CNNM2: variants seen among roughly 807,000 people sequenced by gnomAD.
CNNM2 encodes the protein cyclin and CBS domain divalent metal cation transport mediator 2, also known as metal transporter CNNM2.
CNNM2 carries 12 observed loss-of-function variants against 66.9 expected under a neutral mutation model. The observed-to-expected ratio is 0.18, with a 90% CI of 0.11 to 0.29. The LOEUF is 0.29. CNNM2 is among the 10% of genes least tolerant of loss of function. The pLI is 1.00. For synonymous variants in CNNM2, 557 were observed against 501.8 expected, an observed-to-expected ratio of 1.11 and a Z score of -1.47; for missense variants, 705 against 1,167.7, an observed-to-expected ratio of 0.60 and a Z score of 5.77.
At chr10:103,074,427 G>A (rs2065654278) in intron 6 of CNNM2, among the ~76,000 whole-genome samples, 1 of 152,200 alleles carries the variant, frequency 6.6e-6, no homozygotes, top group Non-Finnish European at 1.5e-5. Flanking sequence ...AATTTGCCTT[G>A]TTCTCGTAGA....
At chr10:102,984,889 C>T (rs1037671467) in intron 1 of CNNM2, among the ~76,000 whole-genome samples, 7 of 152,090 alleles carry the variant, frequency 4.6e-5, no homozygotes, top group African/African-American at 1.7e-4. Context: ...TCAAATGATC[C>T]ACCCACCTCA....
At chr10:103,044,370 A>G (rs1004353583) in intron 1 of CNNM2, among the ~76,000 whole-genome samples, 1 of 152,116 alleles carries the variant, frequency 6.6e-6, no homozygotes, top group Non-Finnish European at 1.5e-5. Flanking sequence ...AGCCTGAGCA[A>G]TATAGCGAGA....
At position 102,996,425 on chromosome 10, in the gene CNNM2, C is replaced by T. The variant is rs7894959; in HGVS notation, c.1622-53282C>T. On this transcript the variant is annotated intron_variant, in intron 1 of 7. Coordinates refer to ENST00000369878, the MANE Select transcript of CNNM2 (RefSeq NM_017649.5). ...TAACTGCAATTAAGACTTCTTTGGG[C>T]CAGGTGCAACAGCTCACGCCTGTAA... Among the ~76,000 whole-genome samples, 46,937 of 152,032 alleles carry T rather than the reference C, an allele frequency of 0.31. 7,407 individuals are homozygous for T. The highest frequency in any genetic ancestry group is 0.37 in the Middle Eastern group (109 of 294).
At chr10:102,930,565 A>G (rs1285632589) in intron 1 of CNNM2, among the ~76,000 whole-genome samples, 2 of 152,240 alleles carry the variant, frequency 1.3e-5, no homozygotes, top group South Asian at 2.1e-4. Context: ...TATAATTCAC[A>G]TATCTTAAAA....
chr10:103,049,944 T>A, intron 2 of CNNM2, 94 bp downstream of exon 2: 1 of 1,235,622 alleles, frequency 8.1e-7, no homozygotes, highest in Non-Finnish European at 1.1e-6. Flanking sequence ...TTGCTGCCTC[T>A]GTTTATAATG....
chr10:103,050,692 G>A (rs2134331201), intron 2 of CNNM2, among the ~76,000 whole-genome samples: 1 of 152,246 alleles, frequency 6.6e-6, no homozygotes, highest in Admixed American at 6.5e-5. Flanking sequence ...GCAGGATAGG[G>A]TAGGGTACAC....
chr10:103,086,469 C>A lies in CNNM2; in HGVS notation c.*9289C>A, dbSNP rs1195124560. The A allele has an allele frequency of 6.9e-6, 1 of 144,196 alleles. No homozygotes were observed. The highest frequency in any genetic ancestry group is 2.6e-5 in the African/African-American group (1 of 39,186). The allele number at this position is 144,196 out of a possible 1,614,324, so 8.9% of individuals were successfully genotyped here. On this transcript the variant is annotated 3_prime_UTR_variant, in exon 8 of 8. Transcript: ENST00000369878. ...TACAGACTTAAATATGTAGTTGTCT[C>A]AGGCTATTCGTGGTGAATAAGCAGA...
At chr10:102,960,094 GAATAGTAAT>G (rs1590312812) in intron 1 of CNNM2, among the ~76,000 whole-genome samples, 1 of 151,064 alleles carries the variant, frequency 6.6e-6, no homozygotes, top group Admixed American at 6.6e-5. Flanking sequence ...AATAAAATGA[GAATAGTAAT>G]AATCTCTCCT....
chr10:103,007,596 C>T (rs895135110), intron 1 of CNNM2, among the ~76,000 whole-genome samples: 14 of 152,134 alleles, frequency 9.2e-5, no homozygotes, highest in African/African-American at 3.4e-4. Context: ...CGATATCTTC[C>T]CTACTTGCAC....
chr10:102,981,106 T>G (rs985293216), intron 1 of CNNM2, among the ~76,000 whole-genome samples: 2 of 152,114 alleles, frequency 1.3e-5, no homozygotes, highest in Non-Finnish European at 2.9e-5. Flanking sequence ...CCCAGCACTT[T>G]GGGAGGCTGA....
chr10:103,089,931 C>G lies in CNNM2; in HGVS notation c.*12751C>G, dbSNP rs1255839676. The stretch of plus-strand genomic sequence containing the variant: ...CATCTAGACAGAAAAAAGCTAGAGG[C>G]TCAGAAAGCAGGCAGAGCAAAGTAG... On this transcript the variant is annotated 3_prime_UTR_variant, in exon 8 of 8. Coordinates refer to ENST00000369878, the MANE Select transcript of CNNM2 (RefSeq NM_017649.5). 3 of 1,560,478 alleles carry G rather than the reference C, an allele frequency of 1.9e-6. No homozygotes were observed.
At chr10:102,997,140 A>T (rs193072896) in intron 1 of CNNM2, among the ~76,000 whole-genome samples, 5 of 152,342 alleles carry the variant, frequency 3.3e-5, no homozygotes, top group Admixed American at 1.3e-4. Context: ...CCTTTCATTT[A>T]GCTCTACATT....
rs66498944 is a variant in CNNM2, at chr10:102,976,611, A to ATTTTTTTTTTTT, written c.1621+56527_1621+56538dup. On this transcript the variant is annotated intron_variant, in intron 1 of 7. Transcript: ENST00000369878. ...CAGGTGTGCGCCACACGCCCAGGTAATTTTTTTTTTTTTTTTTTTTTTTTT... is the reference window on the plus strand; with the variant it reads ...CAGGTGTGCGCCACACGCCCAGGTAATTTTTTTTTTTTTTTTTTTTTTTTTTTTTTTTTTTTT... Among the ~76,000 whole-genome samples, 128 of 59,440 alleles carry ATTTTTTTTTTTT rather than the reference A, an allele frequency of 2.2e-3. 8 individuals are homozygous for ATTTTTTTTTTTT. Among genetic ancestry groups the ATTTTTTTTTTTT allele is most frequent in the African/African-American group, 6.1e-3 (77 of 12,656 alleles). The allele number at this position is 59,440 out of a possible 152,430, so 39.0% of individuals were successfully genotyped here. A position where few individuals can be genotyped will look rare whatever the true frequency, so the allele number is the denominator to read the frequency against.
intron 1 of CNNM2, among the ~76,000 whole-genome samples, chr10:102,944,279 A>G (rs952271673): frequency 1.3e-5 from 2 of 151,896 alleles, no homozygotes; most frequent in Non-Finnish European, 2.9e-5. Flanking sequence ...GGGTTTCACC[A>G]TATTGGCCAG....
At chr10:102,949,839 CACT>C (rs1413494625) in intron 1 of CNNM2, among the ~76,000 whole-genome samples, 4 of 152,012 alleles carry the variant, frequency 2.6e-5, no homozygotes, top group Non-Finnish European at 2.9e-5. Flanking sequence ...ACAAATAAAT[CACT>C]ACTACCTTCT....
intron 4 of CNNM2, among the ~76,000 whole-genome samples, chr10:103,067,381 A>G (rs1020669308): frequency 3.3e-5 from 5 of 152,234 alleles, no homozygotes; most frequent in African/African-American, 1.2e-4. Flanking sequence ...TAGCATCCTG[A>G]TGAAGAGCTT....
At chr10:102,979,044 T>G (rs2134227418) in intron 1 of CNNM2, among the ~76,000 whole-genome samples, 1 of 152,340 alleles carries the variant, frequency 6.6e-6, no homozygotes, top group South Asian at 2.1e-4. Context: ...GGCATTCAGA[T>G]AGTTCCCGGC....
At chr10:102,920,173 C>T in intron 1 of CNNM2, 72 bp downstream of exon 1, 1 of 1,612,762 alleles carries the variant, frequency 6.2e-7, no homozygotes, top group East Asian at 2.2e-5. Context: ...GAGTCCTCTA[C>T]CCTCAGACCA....
chr10:103,040,625 G>T (rs754636277), intron 1 of CNNM2, among the ~76,000 whole-genome samples: 3 of 152,170 alleles, frequency 2.0e-5, no homozygotes, highest in Admixed American at 1.3e-4. Context: ...ACACAAAGGT[G>T]GATCCGGAGT....
Sources: gnomAD v4.1 joint callset for allele counts (sites outside exome capture counted in the v4.1 genomes callset) on GRCh38, gnomAD v4.1.1 for gene constraint, MANE v1.5 for transcripts, NCBI Gene and HGNC (gene_info 2026-07-23, HGNC 2026-07-21) for gene names.